UBXN4: variants seen among roughly 807,000 people sequenced by gnomAD.
The protein encoded by UBXN4 is UBX domain-containing protein 4.
Under a neutral mutation model 66.2 loss-of-function variants are expected in UBXN4, and 35 were observed. That is an observed-to-expected ratio of 0.53 (90% CI 0.40 to 0.70). UBXN4 has a LOEUF of 0.70. UBXN4 is among the 30% of genes least tolerant of loss of function. The pLI, the probability that UBXN4 is intolerant of heterozygous loss-of-function variation, is 0.00. For synonymous variants in UBXN4, 203 were observed against 204.5 expected, an observed-to-expected ratio of 0.99 and a Z score of 0.06; for missense variants, 533 against 599.8, an observed-to-expected ratio of 0.89 and a Z score of 1.16.
At chr2:135,778,004 C>T (rs1295827145) in intron 10 of UBXN4, among the ~76,000 whole-genome samples, 1 of 151,128 alleles carries the variant, frequency 6.6e-6, no homozygotes, top group Non-Finnish European at 1.5e-5. Flanking sequence ...GGTGAAACCC[C>T]GTCTCTACTA....
intron 12 of UBXN4, among the ~76,000 whole-genome samples, chr2:135,781,578 A>G (rs375102821): frequency 2.4e-4 from 36 of 152,264 alleles, no homozygotes; most frequent in East Asian, 1.7e-3. Context: ...ACATATAAGT[A>G]TTGTGATTGG....
At chr2:135,770,463 AC>A in intron 7 of UBXN4, 107 bp from the exon 8 acceptor site, 1 of 739,074 alleles carries the variant, frequency 1.4e-6, no homozygotes, top group South Asian at 2.5e-5. Context: ...GTCTAGACTT[AC>A]ATTTTATGAA....
intron 5 of UBXN4, among the ~76,000 whole-genome samples, chr2:135,761,300 A>G (rs1378514972): frequency 6.6e-6 from 1 of 152,244 alleles, no homozygotes; most frequent in Non-Finnish European, 1.5e-5. Flanking sequence ...GGTCAGCAGA[A>G]GCAGATTCCT....
At chr2:135,770,892 G>A (rs989480308) in intron 8 of UBXN4, among the ~76,000 whole-genome samples, 157 bp downstream of exon 8, 1 of 152,134 alleles carries the variant, frequency 6.6e-6, no homozygotes, top group African/African-American at 2.4e-5. Flanking sequence ...AATTAAAATA[G>A]TTAAGATTAA....
At position 135,772,424 on chromosome 2, in the gene UBXN4, G is replaced by A. The variant is rs771687405; in HGVS notation, c.827G>A (p.Arg276His). ...ERIKQQIALD[R>H]AERAARFAKT... ...GTATTTAATGATGTTTTAAAGGACC[G>A]TGCAGAGAGAGCTGCTCGTTTTGCA... The change falls in exon 9 of 13, where the codon CGT becomes CAT. Residue 276 changes from arginine to histidine, a missense_variant. Physicochemically the swap from Arg to His is conservative, Grantham distance 29. This residue lies in a region of UBXN4 where 529 missense variants were observed against 580.1 expected (regional missense o/e 0.91). Transcript: ENST00000272638. The A allele has an allele frequency of 2.7e-5, 44 of 1,613,726 alleles. No homozygotes were observed. Among genetic ancestry groups the A allele is most frequent in the South Asian group, 3.3e-5 (3 of 91,080 alleles).
In UBXN4 at chr2:135,784,152, T is replaced by G. The variant is rs1426247065; in HGVS notation, c.*1265T>G. ...CTTCTGAAAAACATTTATCAGAAAC[T>G]TAAAATATTTCATACCGTTTGATCC... On this transcript the variant is annotated 3_prime_UTR_variant, in exon 13 of 13. Coordinates refer to ENST00000272638, the MANE Select transcript of UBXN4 (RefSeq NM_014607.4). 1 of 152,224 alleles carries G rather than the reference T, an allele frequency of 6.6e-6. No individual in the cohort carries two copies. Among genetic ancestry groups the G allele is most frequent in the Non-Finnish European group, 1.5e-5 (1 of 68,048 alleles). The allele number at this position is 152,224 out of a possible 1,614,324, so 9.4% of individuals were successfully genotyped here.
intron 9 of UBXN4, among the ~76,000 whole-genome samples, chr2:135,772,761 G>A (rs984047900): frequency 6.0e-5 from 9 of 149,132 alleles, no homozygotes; most frequent in Non-Finnish European, 1.3e-4. Context: ...CCCAATAGCC[G>A]GGCGCGGTGG....
chr2:135,766,083 G>A (rs767925036), intron 6 of UBXN4, among the ~76,000 whole-genome samples: 3 of 151,736 alleles, frequency 2.0e-5, no homozygotes, highest in Non-Finnish European at 2.9e-5. Flanking sequence ...AACCCAGGAC[G>A]TAGAGATTGC....
At chr2:135,745,460 A>G (rs1366419514) in intron 1 of UBXN4, among the ~76,000 whole-genome samples, 1 of 152,186 alleles carries the variant, frequency 6.6e-6, no homozygotes, top group Non-Finnish European at 1.5e-5. Flanking sequence ...AATTACGTAT[A>G]GTGTCTATTT....
chr2:135,761,722 TA>T, intron 5 of UBXN4, 95 bp from the exon 6 acceptor site: 1 of 1,060,152 alleles, frequency 9.4e-7, no homozygotes, highest in Non-Finnish European at 1.3e-6. Context: ...GCTTAAGATA[TA>T]AAATTATTAA....
chr2:135,754,529 G>T (rs887844885), intron 4 of UBXN4, among the ~76,000 whole-genome samples: 6 of 151,956 alleles, frequency 3.9e-5, no homozygotes, highest in Admixed American at 6.6e-5. Flanking sequence ...CACCATGTTG[G>T]CCAGGCTGGT....
rs768411840 is a variant in UBXN4, at chr2:135,783,090, A to G, written c.*203A>G. The G allele has an allele frequency of 2.0e-6, 1 of 488,800 alleles. No individual in the cohort carries two copies. Among genetic ancestry groups the G allele is most frequent in the Non-Finnish European group, 3.5e-6 (1 of 288,312 alleles). 30.3% of individuals were successfully genotyped at this position (488,800 alleles called of 1,614,324 possible). A position where few individuals can be genotyped will look rare whatever the true frequency, so the allele number is the denominator to read the frequency against. ...ATAACTCTCTGCTAGGTCCTTGCTTATATGGCAACCACTGCTAGAACCCTA... is the reference window on the plus strand; with the variant it reads ...ATAACTCTCTGCTAGGTCCTTGCTTGTATGGCAACCACTGCTAGAACCCTA... On this transcript the variant is annotated 3_prime_UTR_variant, in exon 13 of 13. Transcript: ENST00000272638.
chr2:135,776,192 T>A, intron 9 of UBXN4, 57 bp from the exon 10 acceptor site: 1 of 1,391,306 alleles, frequency 7.2e-7, no homozygotes, highest in Non-Finnish European at 1.0e-6. Flanking sequence ...AACTTAATGA[T>A]ATTGTTAGAG....
chr2:135,755,540 A>G lies in UBXN4; in HGVS notation c.357A>G (p.Thr119=). 1 of 1,593,832 alleles carries G rather than the reference A, an allele frequency of 6.3e-7. No individual in the cohort carries two copies. Among genetic ancestry groups the G allele is most frequent in the Non-Finnish European group, 8.5e-7 (1 of 1,169,742 alleles). ...AGATGCATTTGCTAAAAAGTGAAACATCAGTAGCAAATGGCAGTCAGTCAG... is the reference window on the plus strand; with the variant it reads ...AGATGCATTTGCTAAAAAGTGAAACGTCAGTAGCAAATGGCAGTCAGTCAG... ...VRQMHLLKSE[T]SVANGSQSES... is the part of the protein sequence containing the mutation. Residue 119 remains threonine (T), a synonymous_variant, in exon 5 of 13, where the codon ACA becomes ACG. Coordinates refer to ENST00000272638, the MANE Select transcript of UBXN4 (RefSeq NM_014607.4).
chr2:135,776,679 G>A (rs576547368), intron 10 of UBXN4, among the ~76,000 whole-genome samples: 5 of 152,252 alleles, frequency 3.3e-5, no homozygotes, highest in South Asian at 4.2e-4. Flanking sequence ...CTGCAGCCTC[G>A]ACCTCCTGGG....
At chr2:135,750,233 C>T (rs959670235) in intron 2 of UBXN4, among the ~76,000 whole-genome samples, 1 of 152,136 alleles carries the variant, frequency 6.6e-6, no homozygotes, top group African/African-American at 2.4e-5. Flanking sequence ...GTCAGCCTCC[C>T]AAATAGCTGT....
intron 1 of UBXN4, 67 bp from the exon 2 acceptor site, chr2:135,748,200 C>A: frequency 8.0e-7 from 1 of 1,254,978 alleles, no homozygotes; most frequent in Non-Finnish European, 1.1e-6. Flanking sequence ...TTTCCGTTTT[C>A]CAGGGGAAAA....
chr2:135,768,433 G>A (rs56007994), intron 6 of UBXN4, among the ~76,000 whole-genome samples: 2 of 151,654 alleles, frequency 1.3e-5, no homozygotes, highest in Admixed American at 6.6e-5. Flanking sequence ...TCCTGACCTC[G>A]TGATCTGCCC....
chr2:135,773,009 C>A (rs2077392895), intron 9 of UBXN4, among the ~76,000 whole-genome samples: 1 of 137,264 alleles, frequency 7.3e-6, no homozygotes, highest in Non-Finnish European at 1.5e-5. Flanking sequence ...TGCACTCCAG[C>A]CTGGGCGACA....
Sources: allele counts gnomAD v4.1 joint callset (sites outside exome capture counted in the v4.1 genomes callset), GRCh38; gene constraint gnomAD v4.1.1; regional missense constraint gnomAD v4.1.1; transcripts MANE v1.5; gene names NCBI Gene and HGNC (gene_info 2026-07-23, HGNC 2026-07-21).